TNR: variants seen among roughly 807,000 people sequenced by gnomAD.
The protein encoded by TNR is tenascin R, also known as tenascin-R.
A neutral mutation model predicts 150.4 loss-of-function variants in TNR; 45 were observed. That is an observed-to-expected ratio of 0.30 (90% CI 0.24 to 0.38). The LOEUF (loss-of-function observed/expected upper bound fraction) is 0.38. TNR is among the 10% of genes least tolerant of loss of function. The probability of loss-of-function intolerance (pLI) is 1.00; values close to 1 mark genes in which losing one functional copy is unlikely to be tolerated. For synonymous variants in TNR, 687 were observed against 678.4 expected, an observed-to-expected ratio of 1.01 and a Z score of -0.20; for missense variants, 1,544 against 1,759.1, an observed-to-expected ratio of 0.88 and a Z score of 2.19.
At chr1:175,595,144 G>A (rs1662959830) in intron 1 of TNR, among the ~76,000 whole-genome samples, 2 of 152,188 alleles carry the variant, frequency 1.3e-5, no homozygotes, top group South Asian at 2.1e-4. Context: ...TCCAGCCTGG[G>A]TGACAGAGGG....
intron 2 of TNR, among the ~76,000 whole-genome samples, chr1:175,456,176 AC>A (rs1656564403): frequency 6.6e-6 from 1 of 151,856 alleles, no homozygotes; most frequent in Non-Finnish European, 1.5e-5. Flanking sequence ...GCCCCTCTGT[AC>A]CTCCAGGTCC....
chr1:175,732,832 T>C (rs931085848), intron 1 of TNR, among the ~76,000 whole-genome samples: 1 of 152,234 alleles, frequency 6.6e-6, no homozygotes, highest in Non-Finnish European at 1.5e-5. Flanking sequence ...CCAAAAGGGA[T>C]TGTTGAGATC....
At chr1:175,439,947 C>A (rs1439466359) in intron 2 of TNR, among the ~76,000 whole-genome samples, 1 of 152,142 alleles carries the variant, frequency 6.6e-6, no homozygotes, top group South Asian at 2.1e-4. Context: ...CTAGTTCAAC[C>A]ATTGTGGAAG....
intron 1 of TNR, among the ~76,000 whole-genome samples, chr1:175,671,176 C>T (rs1390776587): frequency 6.6e-6 from 1 of 152,104 alleles, no homozygotes; most frequent in African/African-American, 2.4e-5. Flanking sequence ...GTGAGAGGTG[C>T]AGGCTTGGGG....
chr1:175,464,233 G>A (rs1656935563), intron 2 of TNR, among the ~76,000 whole-genome samples: 1 of 152,220 alleles, frequency 6.6e-6, no homozygotes, highest in Non-Finnish European at 1.5e-5. Context: ...ACTTCTGAAT[G>A]AGGGGCAAAT....
chr1:175,466,848 T>C (rs1657056636), intron 2 of TNR, among the ~76,000 whole-genome samples: 1 of 152,166 alleles, frequency 6.6e-6, no homozygotes. Context: ...TCCGGGCTCC[T>C]CTTTCCTTCT....
intron 1 of TNR, among the ~76,000 whole-genome samples, chr1:175,672,136 T>G (rs577950882): frequency 6.6e-6 from 1 of 152,320 alleles, no homozygotes; most frequent in Non-Finnish European, 1.5e-5. Flanking sequence ...CTCAATTTCC[T>G]CATTAGTAAA....
At chr1:175,330,303 C>G in intron 20 of TNR, 68 bp from the exon 21 acceptor site, 2 of 1,437,852 alleles carry the variant, frequency 1.4e-6, no homozygotes, top group Non-Finnish European at 1.9e-6. Context: ...GAGGGAAATG[C>G]GTCTGTGGCT....
intron 4 of TNR, 67 bp downstream of exon 4, chr1:175,403,073 A>T (rs1653786443): frequency 7.6e-7 from 1 of 1,323,302 alleles, no homozygotes; most frequent in Non-Finnish European, 1.1e-6. Flanking sequence ...TCCCAAGCTA[A>T]CTGGAGGCAT....
intron 2 of TNR, among the ~76,000 whole-genome samples, chr1:175,509,684 A>C (rs1010225319): frequency 1.1e-4 from 16 of 152,230 alleles, no homozygotes; most frequent in Non-Finnish European, 2.2e-4. Context: ...AACTTGGCCT[A>C]ATAGTAAACC....
At chr1:175,377,623 G>T (rs1234502858) in intron 9 of TNR, among the ~76,000 whole-genome samples, 7 of 152,008 alleles carry the variant, frequency 4.6e-5, no homozygotes, top group African/African-American at 2.4e-5. Context: ...TTAGGAGTGC[G>T]TCTGTCTGGA....
chr1:175,331,178 C>CTTTCTTTCTTT (rs1557868674), intron 20 of TNR, among the ~76,000 whole-genome samples: 1 of 51,154 alleles, frequency 2.0e-5, no homozygotes, highest in African/African-American at 5.7e-5. Context: ...TCCTTCCTTC[C>CTTTCTTTCTTT]TTCCTTCCTT....
intron 16 of TNR, among the ~76,000 whole-genome samples, chr1:175,355,973 T>C (rs1338559018): frequency 1.3e-5 from 2 of 152,310 alleles, no homozygotes; most frequent in Non-Finnish European, 2.9e-5. Flanking sequence ...ATATTACCTA[T>C]GTCTACTTTC....
At chr1:175,410,844 C>T (rs1654180427) in intron 2 of TNR, among the ~76,000 whole-genome samples, 1 of 152,152 alleles carries the variant, frequency 6.6e-6, no homozygotes, top group African/African-American at 2.4e-5. Flanking sequence ...CATGTGAGAA[C>T]ATGTCATGTG....
At chr1:175,471,394 T>C (rs1657282410) in intron 2 of TNR, among the ~76,000 whole-genome samples, 1 of 152,210 alleles carries the variant, frequency 6.6e-6, no homozygotes, top group Admixed American at 6.5e-5. Context: ...TAGAATGCAC[T>C]TACACAAACC....
chr1:175,623,321 T>A (rs932490572), intron 1 of TNR, among the ~76,000 whole-genome samples: 4 of 152,190 alleles, frequency 2.6e-5, no homozygotes, highest in African/African-American at 9.7e-5. Context: ...ATAATATATA[T>A]CTAGTACCTG....
intron 2 of TNR, among the ~76,000 whole-genome samples, chr1:175,459,377 C>G (rs1207079764): frequency 6.6e-6 from 1 of 152,186 alleles, no homozygotes; most frequent in Non-Finnish European, 1.5e-5. Context: ...AACTCCTAAC[C>G]TCTGAGCCAA....
intron 2 of TNR, among the ~76,000 whole-genome samples, chr1:175,479,327 G>C (rs1157458): frequency 0.014 from 2,083 of 152,098 alleles, 49 homozygotes; most frequent in African/African-American, 0.048. Flanking sequence ...AATACATTCA[G>C]AGGGCCCTCC....
intron 1 of TNR, among the ~76,000 whole-genome samples, chr1:175,736,209 C>T (rs1475635086): frequency 1.3e-5 from 2 of 151,866 alleles, no homozygotes; most frequent in African/African-American, 4.9e-5. Flanking sequence ...TCATTTAATT[C>T]TCACAAAAAA....
Sources: gnomAD v4.1 joint callset for allele counts (sites outside exome capture counted in the v4.1 genomes callset) on GRCh38, gnomAD v4.1.1 for gene constraint, MANE v1.5 for transcripts, NCBI Gene and HGNC (gene_info 2026-07-23, HGNC 2026-07-21) for gene names.